Variants in HCN2 observed in about 807,000 individuals in gnomAD.
HCN2 encodes the protein potassium/sodium hyperpolarization-activated cyclic nucleotide-gated channel 2.
Under a neutral mutation model 52.3 loss-of-function variants are expected in HCN2, and 20 were observed. The observed-to-expected ratio is 0.38, with a 90% CI of 0.27 to 0.56. The LOEUF (loss-of-function observed/expected upper bound fraction) is 0.56. Among genes scored for constraint, HCN2 ranks in the 20% least tolerant of loss-of-function variants. The pLI, the probability that HCN2 is intolerant of heterozygous loss-of-function variation, is 0.71. For synonymous variants in HCN2, 694 were observed against 537.0 expected (o/e 1.29, Z -4.04); for missense variants, 981 against 1,207.7 (o/e 0.81, Z 2.78).
intron 4 of HCN2, 139 bp from the exon 5 acceptor site, chr19:610,120 C>A: frequency 1.0e-6 from 1 of 1,004,466 alleles, no homozygotes; most frequent in Non-Finnish European, 1.5e-6. Flanking sequence ...GTCTGACCCA[C>A]AAGCAGGTGC....
At chr19:615,269 G>A (rs1436705595) in intron 7 of HCN2, among the ~76,000 whole-genome samples, 10 of 152,066 alleles carry the variant, frequency 6.6e-5, no homozygotes, top group African/African-American at 2.2e-4. Flanking sequence ...CAGCACTTTC[G>A]GAGGCCAAGG....
chr19:614,944 C>T (rs538599346), intron 7 of HCN2, among the ~76,000 whole-genome samples: 8 of 152,174 alleles, frequency 5.3e-5, no homozygotes, highest in South Asian at 2.1e-4. Context: ...ACAGGTGCGA[C>T]GGAGTGGTGT....
At chr19:610,445 A>C (rs752256481) in intron 5 of HCN2, 40 bp downstream of exon 5, 12 of 1,587,698 alleles carry the variant, frequency 7.6e-6, no homozygotes, top group Non-Finnish European at 9.5e-6. Context: ...AGCCTCCGGT[A>C]CAGGGCCGGC....
rs1175748997 is a variant in HCN2 at position 591,960 on chromosome 19, G to A, written c.632+1383G>A. 6.6e-6 allele frequency among the ~76,000 whole-genome samples: 1 copy of A among 152,178 alleles called. No individual in the cohort carries two copies. Among genetic ancestry groups the A allele is most frequent in the African/African-American group, 2.4e-5 (1 of 41,448 alleles). Reference sequence around the variant, plus strand: ...GAGGTGAATACAGCTTTGACCAGAAGCCTGGATTTCGAGACAGGCCAGGGG... The same window carrying A: ...GAGGTGAATACAGCTTTGACCAGAAACCTGGATTTCGAGACAGGCCAGGGG... On this transcript the variant is annotated intron_variant, in intron 1 of 7. Coordinates refer to ENST00000251287, the MANE Select transcript of HCN2 (RefSeq NM_001194.4). This position sits in a 1 kb window ranked among gnomAD's most constrained non-coding sequence, Gnocchi z 4.1.
In HCN2 at chr19:616,210, C is replaced by T. The variant is rs1170931760; in HGVS notation, c.2406C>T (p.Pro802=). Residue 802 remains proline, a synonymous_variant, in exon 8 of 8, where the codon CCC becomes CCT. Transcript: ENST00000251287. The part of the protein sequence containing the change: ...TSPYGGLPAA[P]LAGPALPARR... The stretch of plus-strand genomic sequence containing the variant: ...CCTACGGCGGCCTGCCCGCCGCCCC[C>T]CTTGCTGGGCCCGCCCTGCCCGCGC... 11 of 987,232 alleles carry T rather than the reference C, an allele frequency of 1.1e-5. No homozygotes were observed. The South Asian group carries it at 3.6e-4, about 32-fold the overall frequency. 61.2% of individuals were successfully genotyped at this position (987,232 alleles called of 1,614,324 possible). A position where few individuals can be genotyped will look rare whatever the true frequency, so the allele number is the denominator to read the frequency against.
At chr19:615,087 T>A in intron 7 of HCN2, among the ~76,000 whole-genome samples, 1 of 152,000 alleles carries the variant, frequency 6.6e-6, no homozygotes, top group East Asian at 1.9e-4. Context: ...ACAGGCTGTG[T>A]ACAGGCAGGT....
Position 612,427 on chromosome 19 carries a change from T to TGTGAGAGA in HCN2, c.1585-820_1585-819insTGAGAGAG. On this transcript the variant is annotated intron_variant, in intron 5 of 7. Transcript: ENST00000251287. ...GTGTGTGTGTGTGTGTGTGTGTGTG[T>TGTGAGAGA]GAGAGAGAGATGGAGTCTCGCTCTG... 7.6e-3 allele frequency among the ~76,000 whole-genome samples: 1,083 copies of TGTGAGAGA among 142,332 alleles called. 14 individuals carry two copies. Among genetic ancestry groups the TGTGAGAGA allele is most frequent in the African/African-American group, 0.026 (975 of 38,162 alleles). 93.4% of individuals were successfully genotyped at this position (142,332 alleles called of 152,430 possible). A position where few individuals can be genotyped will look rare whatever the true frequency, so the allele number is the denominator to read the frequency against.
intron 1 of HCN2, among the ~76,000 whole-genome samples, chr19:597,129 C>T (rs1448323685): frequency 6.6e-6 from 1 of 152,236 alleles, no homozygotes; most frequent in East Asian, 1.9e-4. Context: ...CTCAGGGTGG[C>T]CACCCCACCT....
Position 590,680 on chromosome 19 carries a change from G to T in HCN2, c.632+103G>T. On this transcript the variant is annotated intron_variant, in intron 1 of 7. Transcript: ENST00000251287. This position sits in a 1 kb window ranked among gnomAD's most constrained non-coding sequence, Gnocchi z 7.2. The stretch of plus-strand genomic sequence containing the variant: ...TGGGGAGGGCGGGGCGGCGCGCCGG[G>T]CCGGTGACCTCGGGGCTCCTCGGTG... The T allele has an allele frequency of 1.1e-6, 1 of 934,650 alleles. No individual in the cohort carries two copies. The highest frequency in any genetic ancestry group is 1.4e-6 in the Non-Finnish European group (1 of 721,682). 57.9% of individuals were successfully genotyped at this position (934,650 alleles called of 1,614,324 possible).
chr19:607,043 ATG>A (rs1375131163), intron 3 of HCN2, among the ~76,000 whole-genome samples: 1 of 146,700 alleles, frequency 6.8e-6, no homozygotes, highest in Non-Finnish European at 1.5e-5. Context: ...GTGGTGGCGC[ATG>A]CCTGTAATCC....
intron 1 of HCN2, among the ~76,000 whole-genome samples, chr19:601,503 C>T (rs901935643): frequency 6.6e-5 from 10 of 151,778 alleles, no homozygotes; most frequent in Non-Finnish European, 8.8e-5. Flanking sequence ...TACTGTGGAT[C>T]GAGCTGGTGT....
intron 7 of HCN2, among the ~76,000 whole-genome samples, chr19:615,194 C>T (rs1983841232): frequency 6.6e-6 from 1 of 152,218 alleles, no homozygotes; most frequent in Non-Finnish European, 1.5e-5. Context: ...GATACCTGCT[C>T]CATGTACACA....
intron 5 of HCN2, among the ~76,000 whole-genome samples, chr19:612,148 A>G (rs1983664469): frequency 6.6e-6 from 1 of 151,856 alleles, no homozygotes; most frequent in African/African-American, 2.4e-5. Context: ...CCGTCTCAAA[A>G]AAAAAAAAAG....
At position 616,482 on chromosome 19, in the gene HCN2, C is replaced by T. The variant is rs1206016867; in HGVS notation, c.*8C>T. 13 of 1,218,928 alleles carry T rather than the reference C, an allele frequency of 1.1e-5. No homozygotes were observed. Among genetic ancestry groups the T allele is most frequent in the Admixed American group, 4.7e-5 (1 of 21,220 alleles). 75.5% of individuals were successfully genotyped at this position (1,218,928 alleles called of 1,614,324 possible). A position where few individuals can be genotyped will look rare whatever the true frequency, so the allele number is the denominator to read the frequency against. On this transcript the variant is annotated 3_prime_UTR_variant, in exon 8 of 8. Transcript: ENST00000251287. Reference sequence around the variant, plus strand: ...CTCTCGTCCAACTTGTGACCCTCGCCGACCGCCCCGCGGGCCCAGGCGGGC... The same window carrying T: ...CTCTCGTCCAACTTGTGACCCTCGCTGACCGCCCCGCGGGCCCAGGCGGGC...
chr19:611,530 G>T (rs1421602362), intron 5 of HCN2, among the ~76,000 whole-genome samples: 4 of 152,204 alleles, frequency 2.6e-5, no homozygotes, highest in Non-Finnish European at 4.4e-5. Context: ...GCCTCTGGGG[G>T]GGCGTGTACA....
At chr19:594,117 A>G (rs1229721228) in intron 1 of HCN2, among the ~76,000 whole-genome samples, 1 of 150,486 alleles carries the variant, frequency 6.6e-6, no homozygotes, top group Non-Finnish European at 1.5e-5. Context: ...GTGTCTCCGC[A>G]GGAGAGGGGC....
In HCN2 at chr19:617,024, G is replaced by C. The variant is rs977678666; in HGVS notation, c.*550G>C. The C allele has an allele frequency of 1.6e-5, 7 of 451,298 alleles. No homozygotes were observed. Among genetic ancestry groups the C allele is most frequent in the East Asian group, 3.6e-5 (1 of 27,958 alleles). 28.0% of individuals were successfully genotyped at this position (451,298 alleles called of 1,614,324 possible). On this transcript the variant is annotated 3_prime_UTR_variant, in exon 8 of 8. Transcript: ENST00000251287. ...AGGCAGGCCTGGCTGCGCAGGGCGC[G>C]GGGGGGAGGCTGGGGTCCCGCCGCC...
rs1983584117 is a variant in HCN2, at chr19:610,544, A to G, written c.1584+139A>G. ...AGGGACTCGAGCTAGACCTGCGTAC[A>G]CACCCTCCCCTCCCCGCCCCGTGAG... is the stretch of plus-strand genomic sequence containing the variant. On this transcript the variant is annotated intron_variant, in intron 5 of 7. Coordinates refer to ENST00000251287, the MANE Select transcript of HCN2 (RefSeq NM_001194.4). 4 of 708,494 alleles carry G rather than the reference A, an allele frequency of 5.6e-6. No homozygotes were observed. The Middle Eastern group carries it at 1.2e-3, about 214-fold the overall frequency. The allele number at this position is 708,494 out of a possible 1,614,324, so 43.9% of individuals were successfully genotyped here. A position where few individuals can be genotyped will look rare whatever the true frequency, so the allele number is the denominator to read the frequency against.
chr19:595,958 C>T (rs1000945755), intron 1 of HCN2, among the ~76,000 whole-genome samples: 11 of 152,166 alleles, frequency 7.2e-5, no homozygotes, highest in Admixed American at 2.6e-4. Context: ...TGCCCTCGCC[C>T]GTTCCCCAAC....
Sources: gnomAD v4.1 joint callset for allele counts (sites outside exome capture counted in the v4.1 genomes callset) on GRCh38, gnomAD v4.1.1 for gene constraint, Gnocchi (gnomAD v3.1) non-coding constraint, MANE v1.5 for transcripts, NCBI Gene and HGNC (gene_info 2026-07-23, HGNC 2026-07-21) for gene names.